RAB39A: variants seen among roughly 807,000 people sequenced by gnomAD.
RAB39A encodes the protein RAB39A, member RAS oncogene family, also known as ras-related protein Rab-39A.
A neutral mutation model predicts 20.9 loss-of-function variants in RAB39A; 17 were observed. The ratio of observed to expected loss-of-function variants is 0.81; its 90% CI spans 0.56 to 1.22. The LOEUF (loss-of-function observed/expected upper bound fraction) is 1.22, where lower values mean the gene tolerates loss of function less well. Ranked by LOEUF, RAB39A falls within the 50% of genes most tolerant of loss-of-function variation. RAB39A has a pLI of 0.00. For missense variants in RAB39A, 234 were observed against 270.5 expected (o/e 0.87, Z 0.95); for synonymous variants, 99 against 103.4 (o/e 0.96, Z 0.26).
intron 1 of RAB39A, among the ~76,000 whole-genome samples, chr11:107,947,807 C>CAAA (rs35694249): frequency 0.082 from 6,601 of 80,144 alleles, 743 homozygotes; most frequent in East Asian, 0.15. Flanking sequence ...CATCAACAGG[C>CAAA]AAAAAAAAAA....
At chr11:107,943,583 A>G (rs968341160) in intron 1 of RAB39A, among the ~76,000 whole-genome samples, 10 of 152,032 alleles carry the variant, frequency 6.6e-5, no homozygotes, top group Non-Finnish European at 7.4e-5. Flanking sequence ...AAAAAAAAAA[A>G]AAAAGAAATT....
chr11:107,953,177 T>C (rs1374336405), intron 1 of RAB39A, among the ~76,000 whole-genome samples: 1 of 150,194 alleles, frequency 6.7e-6, no homozygotes, highest in African/African-American at 2.5e-5. Context: ...TCATGCTATG[T>C]GTGCTTCACT....
In RAB39A at chr11:107,928,479, G is replaced by T; in HGVS notation, c.-90G>T. 5.1e-6 allele frequency: 5 copies of T among 981,928 alleles called. No homozygotes were observed. Among genetic ancestry groups the T allele is most frequent in the South Asian group, 3.5e-5 (1 of 28,744 alleles). 60.8% of individuals were successfully genotyped at this position (981,928 alleles called of 1,614,324 possible). A position where few individuals can be genotyped will look rare whatever the true frequency, so the allele number is the denominator to read the frequency against. ...AGGAATATGCTGGAAGGCGGCGGGCGGGCGCCCGCGAGGTGCTGAAAGGAC... is the reference window on the plus strand; with the variant it reads ...AGGAATATGCTGGAAGGCGGCGGGCTGGCGCCCGCGAGGTGCTGAAAGGAC... On this transcript the variant is annotated 5_prime_UTR_variant, in exon 1 of 2. Coordinates refer to ENST00000320578, the MANE Select transcript of RAB39A (RefSeq NM_017516.3). The surrounding 1 kb of genome is among the most constrained non-coding windows in gnomAD (Gnocchi z 4.9).
At chr11:107,946,096 T>A (rs1241961972) in intron 1 of RAB39A, among the ~76,000 whole-genome samples, 1 of 151,886 alleles carries the variant, frequency 6.6e-6, no homozygotes, top group Non-Finnish European at 1.5e-5. Context: ...AGTGAGGCAT[T>A]TAGTCTTCAT....
At chr11:107,951,810 C>G (rs1414188447) in intron 1 of RAB39A, among the ~76,000 whole-genome samples, 2 of 151,890 alleles carry the variant, frequency 1.3e-5, no homozygotes, top group African/African-American at 4.8e-5. Context: ...CTTGAGCATT[C>G]CAGGGCCTAT....
At chr11:107,938,179 A>G (rs1861216678) in intron 1 of RAB39A, among the ~76,000 whole-genome samples, 1 of 151,860 alleles carries the variant, frequency 6.6e-6, no homozygotes, top group Non-Finnish European at 1.5e-5. Context: ...CCTGGCCAAC[A>G]TGGTGAAACC....
chr11:107,951,743 C>G (rs1213144165), intron 1 of RAB39A, among the ~76,000 whole-genome samples: 12 of 151,466 alleles, frequency 7.9e-5, no homozygotes, highest in African/African-American at 2.7e-4. Context: ...CCTCGGACTC[C>G]CAAAGTACTG....
At chr11:107,952,946 C>T (rs1477274849) in intron 1 of RAB39A, among the ~76,000 whole-genome samples, 1 of 152,108 alleles carries the variant, frequency 6.6e-6, no homozygotes, top group Non-Finnish European at 1.5e-5. Flanking sequence ...CCGTATGATT[C>T]CACCTATACA....
intron 1 of RAB39A, among the ~76,000 whole-genome samples, chr11:107,957,138 G>A (rs1355780133): frequency 6.6e-6 from 1 of 152,134 alleles, no homozygotes; most frequent in Non-Finnish European, 1.5e-5. Context: ...TTAGAGATGA[G>A]GGAGTCAAGG....
intron 1 of RAB39A, among the ~76,000 whole-genome samples, chr11:107,938,465 C>T (rs1421812937): frequency 4.0e-5 from 6 of 149,762 alleles, no homozygotes; most frequent in African/African-American, 1.2e-4. Flanking sequence ...CACAGTGGCT[C>T]ATGCCTGTAA....
rs1286978669 is a variant in RAB39A at position 107,938,572 on chromosome 11, A to AT, written c.227+9777_227+9778insT. Among the ~76,000 whole-genome samples, 3 of 148,832 alleles carry AT rather than the reference A, an allele frequency of 2.0e-5. No individual in the cohort carries two copies. The East Asian group carries it at 5.9e-4, about 29-fold the overall frequency. On this transcript the variant is annotated intron_variant, in intron 1 of 1. Transcript: ENST00000320578. ...TAGTGAGACCTCGTCTATAAAAAAA[A>AT]AAAAAAAAAAAAAATTAGGTGGGCA... is the stretch of plus-strand genomic sequence containing the variant.
At chr11:107,958,539 T>C (rs1323454118) in intron 1 of RAB39A, among the ~76,000 whole-genome samples, 4 of 152,192 alleles carry the variant, frequency 2.6e-5, no homozygotes, top group Non-Finnish European at 4.4e-5. Flanking sequence ...GGAAAAACAC[T>C]ACCTGCAGGA....
At chr11:107,942,105 A>C (rs926727296) in intron 1 of RAB39A, among the ~76,000 whole-genome samples, 1 of 151,486 alleles carries the variant, frequency 6.6e-6, no homozygotes, top group African/African-American at 2.4e-5. Context: ...TCTCAAAAAA[A>C]AAAAAAAAAA....
At chr11:107,946,153 G>A (rs977636803) in intron 1 of RAB39A, among the ~76,000 whole-genome samples, 6 of 147,890 alleles carry the variant, frequency 4.1e-5, no homozygotes, top group Admixed American at 6.8e-5. Context: ...GAAACCTAGG[G>A]ACCAAAACAA....
At chr11:107,933,427 G>A (rs1431674589) in intron 1 of RAB39A, among the ~76,000 whole-genome samples, 1 of 144,104 alleles carries the variant, frequency 6.9e-6, no homozygotes, top group African/African-American at 2.6e-5. Flanking sequence ...GTCACCTGGG[G>A]CTGGAGTGCA....
At chr11:107,955,711 G>A (rs899420674) in intron 1 of RAB39A, among the ~76,000 whole-genome samples, 1 of 152,116 alleles carries the variant, frequency 6.6e-6, no homozygotes. Context: ...GGTGGTGCAT[G>A]CCTGTAATCC....
At chr11:107,960,252 A>G (rs1861482303) in intron 1 of RAB39A, among the ~76,000 whole-genome samples, 1 of 152,176 alleles carries the variant, frequency 6.6e-6, no homozygotes, top group Non-Finnish European at 1.5e-5. Flanking sequence ...ATTGTATGAC[A>G]TCTGTCATTT....
At chr11:107,961,706 G>A (rs942275207) in intron 1 of RAB39A, among the ~76,000 whole-genome samples, 1 of 152,194 alleles carries the variant, frequency 6.6e-6, no homozygotes, top group Admixed American at 6.5e-5. Flanking sequence ...GACATAGCAT[G>A]TAAGTGCTTA....
At chr11:107,952,991 G>A (rs986738339) in intron 1 of RAB39A, among the ~76,000 whole-genome samples, 7 of 152,222 alleles carry the variant, frequency 4.6e-5, no homozygotes, top group African/African-American at 1.7e-4. Flanking sequence ...GCAGAAAGTG[G>A]AATGATGGTT....
Sources: allele counts gnomAD v4.1 joint callset (sites outside exome capture counted in the v4.1 genomes callset), GRCh38; gene constraint gnomAD v4.1.1; non-coding constraint Gnocchi (gnomAD v3.1); transcripts MANE v1.5; gene names NCBI Gene and HGNC (gene_info 2026-07-23, HGNC 2026-07-21).